The following LRIG1 variants were observed in gnomAD, a reference collection of about 807,000 sequenced individuals.
The protein encoded by LRIG1 is leucine rich repeats and immunoglobulin like domains 1.
LRIG1 carries 48 observed loss-of-function variants against 99.2 expected under a neutral mutation model. That is an observed-to-expected ratio of 0.48 (90% confidence interval 0.38 to 0.62). The LOEUF (loss-of-function observed/expected upper bound fraction) is 0.62. Among genes scored for constraint, LRIG1 ranks in the 20% least tolerant of loss-of-function variants. The pLI, the probability that LRIG1 is intolerant of heterozygous loss-of-function variation, is 0.00. For synonymous variants in LRIG1, 772 were observed against 596.1 expected (o/e 1.29, Z -4.30); for missense variants, 1,646 against 1,434.4 (o/e 1.15, Z -2.38).
rs976190865 is a variant in LRIG1, at chr3:66,412,694, G to T, written c.791+177C>A. 9.2e-5 allele frequency among the ~76,000 whole-genome samples: 14 copies of T among 152,254 alleles called. No homozygotes were observed. In the East Asian group the frequency reaches 2.1e-3, roughly 23 times the overall value. ...TGAATGCTGGTGTGGGCGCGCACGT[G>T]CACACGCGCACGCACACACACCCCA... On this transcript the variant is annotated intron_variant, in intron 6 of 18. Transcript: ENST00000273261.
intron 1 of LRIG1, among the ~76,000 whole-genome samples, chr3:66,483,483 CA>C (rs1258668113): frequency 3.3e-5 from 5 of 152,262 alleles, no homozygotes; most frequent in African/African-American, 7.2e-5. Flanking sequence ...AGTGTTCTCA[CA>C]GCTCCCTCTG....
Position 66,432,440 on chromosome 3 carries a change from A to T in LRIG1, c.366-15174T>A, listed in dbSNP as rs116603793. On this transcript the variant is annotated intron_variant, in intron 3 of 18. Transcript: ENST00000273261. ...AGTAGAAGGGGTGGCAGGAGTAGCC[A>T]TAATGGCAGGAACAGTGGGAACAAA... 1.4e-3 allele frequency among the ~76,000 whole-genome samples: 207 copies of T among 152,344 alleles called. 4 individuals are homozygous for T. The highest frequency in any genetic ancestry group is 4.9e-3 in the African/African-American group (203 of 41,580).
At chr3:66,418,074 T>C (rs952164582) in intron 3 of LRIG1, among the ~76,000 whole-genome samples, 2 of 150,986 alleles carry the variant, frequency 1.3e-5, no homozygotes, top group African/African-American at 2.5e-5. Flanking sequence ...CACTGTAACT[T>C]GTGTTTTTTT....
intron 3 of LRIG1, among the ~76,000 whole-genome samples, chr3:66,435,373 A>G (rs1330233575): frequency 1.3e-5 from 2 of 152,104 alleles, no homozygotes; most frequent in Non-Finnish European, 2.9e-5. Flanking sequence ...AGCCTTCCCA[A>G]CAGGGTGAAA....
At chr3:66,402,299 A>AACAGGCCCTGGAGTGGGTCTAC (rs1702089204) in intron 9 of LRIG1, among the ~76,000 whole-genome samples, 1 of 152,192 alleles carries the variant, frequency 6.6e-6, no homozygotes, top group South Asian at 2.1e-4. Context: ...ACCATTTGGA[A>AACAGGCCCTGGAGTGGGTCTAC]ACAGGCCCTG....
Position 66,394,114 on chromosome 3 carries a change from G to A in LRIG1, c.1394C>T (p.Thr465Ile). The A allele has an allele frequency of 6.2e-7, 1 of 1,613,890 alleles. No homozygotes were observed. Among genetic ancestry groups the A allele is most frequent in the Non-Finnish European group, 8.5e-7 (1 of 1,179,934 alleles). Residue 465 changes from threonine (T) to isoleucine (I), a missense_variant, in exon 12 of 19, where the codon ACA (threonine) becomes ATA (isoleucine). Transcript: ENST00000273261. ...LIGRMLQAFV[T>I]ATCAHPESLK... ...TGATTCTGGGTGGGCACAGGTGGCT[G>A]TCACAAAGGCCTGCAGCATCCTGCC...
intron 1 of LRIG1, among the ~76,000 whole-genome samples, chr3:66,463,993 T>C (rs1700414668): frequency 6.6e-6 from 1 of 152,202 alleles, no homozygotes; most frequent in Non-Finnish European, 1.5e-5. Context: ...TTAAACCGCA[T>C]ATTGAACTCA....
intron 3 of LRIG1, among the ~76,000 whole-genome samples, chr3:66,424,904 C>T (rs950567808): frequency 3.3e-5 from 5 of 152,170 alleles, no homozygotes; most frequent in African/African-American, 1.2e-4. Flanking sequence ...TGATTCTGCC[C>T]AACTGTGGAC....
At chr3:66,381,124 T>C (rs1211502196) in intron 17 of LRIG1, among the ~76,000 whole-genome samples, 1 of 152,214 alleles carries the variant, frequency 6.6e-6, no homozygotes, top group African/African-American at 2.4e-5. Flanking sequence ...GAAAAGCCAT[T>C]AGCCTTAGGT....
chr3:66,469,660 G>A (rs1700552621), intron 1 of LRIG1, among the ~76,000 whole-genome samples: 1 of 152,108 alleles, frequency 6.6e-6, no homozygotes, highest in Admixed American at 6.5e-5. Context: ...CCCAACAAAT[G>A]TCAAATTTGA....
chr3:66,387,579 T>TG (rs1178826417), intron 12 of LRIG1: 1 of 152,002 alleles, frequency 6.6e-6, no homozygotes, highest in Non-Finnish European at 1.5e-5. Flanking sequence ...CAGCAAATCC[T>TG]GGGGGAGGAG....
chr3:66,421,370 C>A (rs1023130976), intron 3 of LRIG1, among the ~76,000 whole-genome samples: 1 of 152,248 alleles, frequency 6.6e-6, no homozygotes, highest in Non-Finnish European at 1.5e-5. Context: ...AAGCTAGTTA[C>A]TTCATAGATA....
At chr3:66,496,953 T>G (rs976047174) in intron 1 of LRIG1, among the ~76,000 whole-genome samples, 4 of 152,264 alleles carry the variant, frequency 2.6e-5, no homozygotes, top group African/African-American at 9.6e-5. Flanking sequence ...GTTTATTTTC[T>G]AAGGTAATCA....
At chr3:66,496,795 A>C (rs1440854689) in intron 1 of LRIG1, among the ~76,000 whole-genome samples, 2 of 152,240 alleles carry the variant, frequency 1.3e-5, no homozygotes, top group African/African-American at 2.4e-5. Context: ...TCTGCACTTT[A>C]AACTTAATTT....
Position 66,386,146 on chromosome 3 carries a change from T to A in LRIG1, c.1624A>T (p.Met542Leu). The A allele has an allele frequency of 1.2e-6, 2 of 1,614,156 alleles. No homozygotes were observed. Among genetic ancestry groups the A allele is most frequent in the Non-Finnish European group, 1.7e-6 (2 of 1,180,030 alleles). The part of the protein sequence containing the change: ...KDNEVLTNAD[M>L]ENFVHVHAQD... Reference sequence around the variant, plus strand: ...GCGTGGACGTGGACAAAGTTCTCCATGTCTGCATTGGTCAGGACTTCATTG... The same window carrying A: ...GCGTGGACGTGGACAAAGTTCTCCAAGTCTGCATTGGTCAGGACTTCATTG... Residue 542 changes from methionine to leucine, a missense_variant, in exon 13 of 19, where the codon ATG (methionine) becomes TTG (leucine). Coordinates refer to ENST00000273261, the MANE Select transcript of LRIG1 (RefSeq NM_015541.3).
intron 16 of LRIG1, among the ~76,000 whole-genome samples, chr3:66,382,015 C>T (rs1257592883): frequency 1.3e-5 from 2 of 152,210 alleles, no homozygotes; most frequent in Non-Finnish European, 2.9e-5. Context: ...AGCTGCTACT[C>T]CAGGCAAGCC....
chr3:66,413,394 G>T (rs1371055079), intron 5 of LRIG1, among the ~76,000 whole-genome samples: 1 of 152,194 alleles, frequency 6.6e-6, no homozygotes, highest in Non-Finnish European at 1.5e-5. Flanking sequence ...CTTATGTGAG[G>T]TATCTCTGAG....
chr3:66,407,472 G>C lies in LRIG1; in HGVS notation c.955C>G (p.Leu319Val), dbSNP rs554047234. 1.2e-6 allele frequency: 2 copies of C among 1,614,030 alleles called. No individual in the cohort carries two copies. The highest frequency in any genetic ancestry group is 1.3e-5 in the African/African-American group (1 of 75,042). Residue 319 changes from leucine to valine, a missense_variant, in exon 8 of 19, where the codon CTG (leucine) becomes GTG (valine). Coordinates refer to ENST00000273261, the MANE Select transcript of LRIG1 (RefSeq NM_015541.3). The stretch of plus-strand genomic sequence containing the variant: ...AGGCTCTCCTCGTCCAGCCGTGTCA[G>C]GTTGTTGAAGGACAGGACCCTGAGG... ...LHELVLSFNNLTRLDEESLAE... is the reference protein window; with the variant it reads ...LHELVLSFNNVTRLDEESLAE...
At chr3:66,483,910 G>A (rs955642561) in intron 1 of LRIG1, among the ~76,000 whole-genome samples, 2 of 152,234 alleles carry the variant, frequency 1.3e-5, no homozygotes, top group African/African-American at 2.4e-5. Context: ...AGGACCTCAT[G>A]TGGGGACAGT....
Sources: gnomAD v4.1 joint callset for allele counts (sites outside exome capture counted in the v4.1 genomes callset) on GRCh38, gnomAD v4.1.1 for gene constraint, MANE v1.5 for transcripts, NCBI Gene and HGNC (gene_info 2026-07-23, HGNC 2026-07-21) for gene names.